Variants in TMEM132D observed in about 807,000 individuals in gnomAD.
TMEM132D encodes transmembrane protein 132D, also known as mature OL transmembrane protein.
A neutral mutation model predicts 62.3 loss-of-function variants in TMEM132D; 21 were observed. The ratio of observed to expected loss-of-function variants is 0.34; its 90% CI spans 0.24 to 0.49. The LOEUF is 0.49. Ranked by LOEUF, TMEM132D falls within the 20% of genes least tolerant of loss-of-function variation. The probability of loss-of-function intolerance (pLI) is 0.99; values close to 1 mark genes in which losing one functional copy is unlikely to be tolerated. For missense variants in TMEM132D, 1,346 were observed against 1,402.8 expected (o/e 0.96, Z 0.65); for synonymous variants, 621 against 575.6 (o/e 1.08, Z -1.13).
chr12:129,146,505 C>T (rs1157820850), intron 5 of TMEM132D, among the ~76,000 whole-genome samples: 1 of 152,158 alleles, frequency 6.6e-6, no homozygotes, highest in Non-Finnish European at 1.5e-5. Flanking sequence ...CCCTTAATGT[C>T]ACCCAAATAT....
Position 129,839,543 on chromosome 12 carries a change from A to G in TMEM132D, c.79+63718T>C, listed in dbSNP as rs147703817. 9.9e-3 allele frequency among the ~76,000 whole-genome samples: 1,501 copies of G among 152,200 alleles called. 32 individuals are homozygous for G. Among genetic ancestry groups the G allele is most frequent in the African/African-American group, 0.034 (1,398 of 41,520 alleles). On this transcript the variant is annotated intron_variant, in intron 1 of 8. Coordinates refer to ENST00000422113, the MANE Select transcript of TMEM132D (RefSeq NM_133448.3). ...CTCCCAAAGTGCTGGGATTATAGAC[A>G]TGATCCACTGTGCCCGGCCTTAAAC...
At chr12:129,147,860 C>A (rs1339157240) in intron 5 of TMEM132D, among the ~76,000 whole-genome samples, 1 of 152,210 alleles carries the variant, frequency 6.6e-6, no homozygotes, top group Non-Finnish European at 1.5e-5. Flanking sequence ...ACCAGATTTC[C>A]TATTCCCCAC....
intron 1 of TMEM132D, among the ~76,000 whole-genome samples, chr12:129,854,011 C>T (rs1231931932): frequency 6.6e-6 from 1 of 152,118 alleles, no homozygotes; most frequent in Non-Finnish European, 1.5e-5. Context: ...AGAAAAGCCA[C>T]CTTGGGGGGA....
At chr12:129,256,146 C>G (rs149406256) in intron 4 of TMEM132D, among the ~76,000 whole-genome samples, 20 of 152,312 alleles carry the variant, frequency 1.3e-4, no homozygotes, top group African/African-American at 4.8e-4. Flanking sequence ...GTGGTGCAAT[C>G]TCAGCTCACT....
At chr12:129,435,504 AT>A (rs1330455950) in intron 3 of TMEM132D, among the ~76,000 whole-genome samples, 1 of 152,202 alleles carries the variant, frequency 6.6e-6, no homozygotes, top group East Asian at 1.9e-4. Flanking sequence ...CTTTTTGATA[AT>A]AACCATTCTG....
intron 2 of TMEM132D, among the ~76,000 whole-genome samples, chr12:129,549,351 T>C (rs1189341656): frequency 6.6e-6 from 1 of 151,804 alleles, no homozygotes; most frequent in African/African-American, 2.4e-5. Flanking sequence ...TCATCTTGAA[T>C]TGTAGCTCCT....
intron 2 of TMEM132D, among the ~76,000 whole-genome samples, chr12:129,570,284 T>C (rs532045906): frequency 6.6e-6 from 1 of 152,360 alleles, no homozygotes; most frequent in South Asian, 2.1e-4. Context: ...AAGGCTCTAC[T>C]CTCAGGTTCT....
At chr12:129,383,004 T>C (rs990032461) in intron 3 of TMEM132D, among the ~76,000 whole-genome samples, 19 of 152,254 alleles carry the variant, frequency 1.2e-4, no homozygotes, top group African/African-American at 2.6e-4. Context: ...CACAGGATCA[T>C]TGGGTCGCTA....
intron 3 of TMEM132D, among the ~76,000 whole-genome samples, chr12:129,467,037 C>T (rs958395667): frequency 2.6e-5 from 4 of 152,142 alleles, no homozygotes; most frequent in Admixed American, 2.0e-4. Context: ...TGATCTGACA[C>T]ACGGTAGGTG....
intron 3 of TMEM132D, among the ~76,000 whole-genome samples, chr12:129,344,263 A>G (rs1312548093): frequency 1.3e-5 from 2 of 152,170 alleles, no homozygotes; most frequent in Non-Finnish European, 2.9e-5. Flanking sequence ...TCTGGTGACC[A>G]CAGATGGGAC....
At chr12:129,695,798 A>G (rs1045278941) in intron 2 of TMEM132D, among the ~76,000 whole-genome samples, 9 of 152,226 alleles carry the variant, frequency 5.9e-5, no homozygotes, top group African/African-American at 1.9e-4. Context: ...GAAGGAATTC[A>G]CTGTGAGGGC....
intron 4 of TMEM132D, among the ~76,000 whole-genome samples, chr12:129,276,956 C>T (rs889650071): frequency 2.0e-5 from 3 of 152,210 alleles, no homozygotes; most frequent in African/African-American, 7.2e-5. Context: ...AGGTGCCCTT[C>T]GTGACTGGCT....
rs1477050783 is a variant in TMEM132D at position 129,072,003 on chromosome 12, TCA to T, written c.*1870_*1871del. 1 of 152,106 alleles carries T rather than the reference TCA, an allele frequency of 6.6e-6. No homozygotes were observed. The highest frequency in any genetic ancestry group is 1.9e-4 in the East Asian group (1 of 5,182). 9.4% of individuals were successfully genotyped at this position (152,106 alleles called of 1,614,324 possible). On this transcript the variant is annotated 3_prime_UTR_variant, in exon 9 of 9. Transcript: ENST00000422113. ...AGGTGACTTACTGGCTGCAGAAACC[TCA>T]GTCTCAAGAGCACCACAGTTGCAGG...
At chr12:129,533,984 G>A (rs1449321981) in intron 2 of TMEM132D, among the ~76,000 whole-genome samples, 1 of 152,204 alleles carries the variant, frequency 6.6e-6, no homozygotes, top group Non-Finnish European at 1.5e-5. Context: ...AACACGGTGT[G>A]TGTTGGGTTA....
At chr12:129,113,196 C>T (rs188635836) in intron 5 of TMEM132D, 2 of 152,230 alleles carry the variant, frequency 1.3e-5, no homozygotes, top group East Asian at 3.9e-4. Context: ...GACCAATTCC[C>T]ATATAAACCG....
At chr12:129,689,304 A>G (rs1347212119) in intron 2 of TMEM132D, among the ~76,000 whole-genome samples, 1 of 152,188 alleles carries the variant, frequency 6.6e-6, no homozygotes, top group Non-Finnish European at 1.5e-5. Flanking sequence ...TTGATTCCTG[A>G]TCAGATATAG....
chr12:129,354,274 G>A (rs1306744114), intron 3 of TMEM132D, among the ~76,000 whole-genome samples: 1 of 151,402 alleles, frequency 6.6e-6, no homozygotes, highest in Non-Finnish European at 1.5e-5. Context: ...GGATTCTCCT[G>A]CATCTATTTC....
chr12:129,522,314 TAAGA>T (rs1360973369), intron 3 of TMEM132D, among the ~76,000 whole-genome samples: 2 of 152,160 alleles, frequency 1.3e-5, no homozygotes, highest in Non-Finnish European at 2.9e-5. Context: ...TTTTAGGACA[TAAGA>T]AAGATGATAC....
At chr12:129,392,591 G>A (rs771581030) in intron 3 of TMEM132D, among the ~76,000 whole-genome samples, 6 of 152,160 alleles carry the variant, frequency 3.9e-5, no homozygotes, top group Non-Finnish European at 5.9e-5. Flanking sequence ...TGTGGTCCCC[G>A]GGCCAGTGGC....
Sources: gnomAD v4.1 joint callset for allele counts (sites outside exome capture counted in the v4.1 genomes callset) on GRCh38, gnomAD v4.1.1 for gene constraint, MANE v1.5 for transcripts, NCBI Gene and HGNC (gene_info 2026-07-23, HGNC 2026-07-21) for gene names.